The following SP140 variants were observed in gnomAD, a reference collection of about 807,000 sequenced individuals.
SP140 encodes the protein SP140 nuclear body protein.
In SP140, 81 loss-of-function variants were observed where a neutral mutation model predicts 125.0. That is an observed-to-expected ratio of 0.65 (90% CI 0.54 to 0.78). The LOEUF (loss-of-function observed/expected upper bound fraction) is 0.78. Among genes scored for constraint, SP140 ranks in the 30% least tolerant of loss-of-function variants. The probability of loss-of-function intolerance (pLI) is 0.00; values close to 1 mark genes in which losing one functional copy is unlikely to be tolerated. For synonymous variants in SP140, 312 were observed against 354.0 expected, an observed-to-expected ratio of 0.88 and a Z score of 1.33; for missense variants, 858 against 1,037.0, an observed-to-expected ratio of 0.83 and a Z score of 2.37.
At chr2:230,201,051 T>C, upstream of SP140, 1 of 1,016,514 alleles carries the variant, frequency 9.8e-7, no homozygotes, top group Non-Finnish European at 1.6e-6. Context: ...TTGCACACTC[T>C]GAAGTTGAGT....
chr2:230,204,449 T>C (rs926170314), intron 1 of SP140, among the ~76,000 whole-genome samples: 1 of 152,164 alleles, frequency 6.6e-6, no homozygotes, highest in Non-Finnish European at 1.5e-5. Flanking sequence ...GAGAATTGTA[T>C]TGGAAATTTC....
intron 21 of SP140, among the ~76,000 whole-genome samples, chr2:230,295,667 C>T (rs1365654495): frequency 6.6e-6 from 1 of 152,302 alleles, no homozygotes; most frequent in South Asian, 2.1e-4. Flanking sequence ...GCTTCTCTTA[C>T]TTGCAGAGCC....
intron 1 of SP140, among the ~76,000 whole-genome samples, chr2:230,210,932 G>A (rs572180947): frequency 2.0e-4 from 30 of 152,314 alleles, no homozygotes; most frequent in African/African-American, 7.0e-4. Context: ...ACAGTCAGGT[G>A]GGGGCTTGGA....
intron 10 of SP140, among the ~76,000 whole-genome samples, chr2:230,252,208 T>C (rs757975164): frequency 8.0e-5 from 12 of 150,054 alleles, no homozygotes; most frequent in Non-Finnish European, 1.2e-4. Flanking sequence ...TACACAGAGA[T>C]AGAATGTGCA....
chr2:230,221,131 A>T (rs1559190446), upstream of SP140, among the ~76,000 whole-genome samples: 1 of 151,788 alleles, frequency 6.6e-6, no homozygotes, highest in Non-Finnish European at 1.5e-5. Context: ...AAATACAAAA[A>T]TTAGCCAGAT....
intron 15 of SP140, chr2:230,270,913 G>A: frequency 8.5e-6 from 4 of 473,082 alleles, no homozygotes; most frequent in South Asian, 5.0e-5. Flanking sequence ...AATCTTGTAG[G>A]CCTTAAAGAG....
rs1021890714 is a variant in SP140, at chr2:230,306,176, C to T, written c.2059-3748C>T. Among the ~76,000 whole-genome samples the T allele has an allele frequency of 2.1e-4, 32 of 152,216 alleles. 1 individual carries two copies. The highest frequency in any genetic ancestry group is 4.3e-4 in the Non-Finnish European group (29 of 68,028). On this transcript the variant is annotated intron_variant, in intron 22 of 26. Coordinates refer to ENST00000392045, the MANE Select transcript of SP140 (RefSeq NM_007237.5). Reference sequence around the variant, plus strand: ...CCTGAGGCAGGGACCCTCACCCTCACACAGCCGGCAGGACCTGCTCTCAGG... The same window carrying T: ...CCTGAGGCAGGGACCCTCACCCTCATACAGCCGGCAGGACCTGCTCTCAGG...
upstream of SP140, chr2:230,203,079 T>A: frequency 3.0e-6 from 1 of 337,020 alleles, no homozygotes; most frequent in Non-Finnish European, 5.7e-6. Flanking sequence ...AGGTGTCTTA[T>A]AAAGCACCTC....
At chr2:230,268,774 C>G (rs763874199) in intron 12 of SP140, among the ~76,000 whole-genome samples, 1 of 152,110 alleles carries the variant, frequency 6.6e-6, no homozygotes, top group Non-Finnish European at 1.5e-5. Context: ...AGAAAAATGA[C>G]CTGAGCTGGA....
At chr2:230,213,678 T>C (rs1277124108) in exon 2 of SP140, 1 of 152,364 alleles carries the variant, frequency 6.6e-6, no homozygotes, top group Non-Finnish European at 1.5e-5. Context: ...AACCAGTGAA[T>C]GGAAAAAGGA....
chr2:230,306,498 G>C (rs1233297602), intron 22 of SP140, among the ~76,000 whole-genome samples: 1 of 152,192 alleles, frequency 6.6e-6, no homozygotes, highest in African/African-American at 2.4e-5. Context: ...AGGTGCCCAG[G>C]TTGCAGCTGT....
chr2:230,208,171 T>C, intron 1 of SP140: 1 of 691,772 alleles, frequency 1.4e-6, no homozygotes, highest in South Asian at 1.6e-5. Context: ...TAGAAGTTCA[T>C]TGGTGACCTT....
chr2:230,244,917 G>T lies in SP140; in HGVS notation c.572-71G>T. The T allele has an allele frequency of 4.6e-6, 5 of 1,092,588 alleles. No individual in the cohort carries two copies. In the South Asian group the frequency reaches 6.8e-5, roughly 15 times the overall value. The allele number at this position is 1,092,588 out of a possible 1,614,324, so 67.7% of individuals were successfully genotyped here. ...TTTGCAAGGAGAAGCTCACTTGAGT[G>T]CTGAACACCAGGATTCAGCAGGAGC... On this transcript the variant is annotated intron_variant, in intron 5 of 26. Coordinates refer to ENST00000392045, the MANE Select transcript of SP140 (RefSeq NM_007237.5).
At chr2:230,225,165 AC>A (rs1466908146), upstream of SP140, among the ~76,000 whole-genome samples, 1 of 151,992 alleles carries the variant, frequency 6.6e-6, no homozygotes, top group African/African-American at 2.4e-5. Flanking sequence ...TTTCCCAGTC[AC>A]CCCTGGCTGC....
chr2:230,235,876 T>G (rs1217133130), intron 1 of SP140, among the ~76,000 whole-genome samples: 1 of 140,384 alleles, frequency 7.1e-6, no homozygotes, highest in African/African-American at 2.7e-5. Flanking sequence ...CTGTTTTTTT[T>G]TTTTTTTTTT....
chr2:230,307,345 TA>T (rs931774807), intron 22 of SP140, among the ~76,000 whole-genome samples: 1 of 152,200 alleles, frequency 6.6e-6, no homozygotes, highest in African/African-American at 2.4e-5. Flanking sequence ...ATGGTGAGGC[TA>T]AAAGAGCTGT....
At chr2:230,242,333 G>T (rs1302012820) in intron 4 of SP140, among the ~76,000 whole-genome samples, 1 of 152,176 alleles carries the variant, frequency 6.6e-6, no homozygotes, top group Non-Finnish European at 1.5e-5. Context: ...GTAGGTTTGA[G>T]GTAAGAGCAC....
intron 1 of SP140, among the ~76,000 whole-genome samples, chr2:230,227,544 A>G (rs1346050788): frequency 6.6e-6 from 1 of 152,242 alleles, no homozygotes; most frequent in Non-Finnish European, 1.5e-5. Flanking sequence ...TTAGCTAGTG[A>G]TACCATCTGG....
chr2:230,248,839 G>A, intron 8 of SP140, 46 bp from the exon 9 acceptor site: 3 of 1,503,066 alleles, frequency 2.0e-6, no homozygotes, highest in Non-Finnish European at 2.8e-6. Context: ...TGAGGCCTGT[G>A]TCCAAGTCAC....
Sources: allele counts gnomAD v4.1 joint callset (sites outside exome capture counted in the v4.1 genomes callset), GRCh38; gene constraint gnomAD v4.1.1; transcripts MANE v1.5; gene names NCBI Gene and HGNC (gene_info 2026-07-23, HGNC 2026-07-21).